Variants in BICD1 observed in about 807,000 individuals in gnomAD.
BICD1 encodes BICD cargo adaptor 1.
A neutral mutation model predicts 92.5 loss-of-function variants in BICD1; 35 were observed. That is an observed-to-expected ratio of 0.38 (90% CI 0.29 to 0.50). BICD1 has a LOEUF of 0.50. BICD1 is among the 20% of genes least tolerant of loss of function. The pLI is 0.93. For missense variants in BICD1, 950 were observed against 1,189.8 expected, an observed-to-expected ratio of 0.80 and a Z score of 2.97; for synonymous variants, 429 against 465.1, an observed-to-expected ratio of 0.92 and a Z score of 1.00.
chr12:32,214,963 T>C (rs1035944347), intron 1 of BICD1, among the ~76,000 whole-genome samples: 1 of 152,148 alleles, frequency 6.6e-6, no homozygotes, highest in Non-Finnish European at 1.5e-5. Context: ...TCGTGGTGGC[T>C]CATGCCTGTA....
chr12:32,322,889 T>C (rs1948693724), intron 4 of BICD1, among the ~76,000 whole-genome samples: 1 of 152,230 alleles, frequency 6.6e-6, no homozygotes, highest in African/African-American at 2.4e-5. Context: ...TCCAGAGGCC[T>C]TTCCTTTTGA....
At chr12:32,138,187 A>G (rs932254369) in intron 1 of BICD1, among the ~76,000 whole-genome samples, 2 of 152,246 alleles carry the variant, frequency 1.3e-5, no homozygotes, top group Non-Finnish European at 2.9e-5. Flanking sequence ...GCCAGATAGC[A>G]TATGCCTCAT....
intron 2 of BICD1, among the ~76,000 whole-genome samples, chr12:32,230,878 C>CATGTGAAATTATCATG (rs1945865135): frequency 6.6e-6 from 1 of 151,660 alleles, no homozygotes; most frequent in Admixed American, 6.6e-5. Flanking sequence ...GTGAAATTAT[C>CATGTGAAATTATCATG]ATGACTGCTG....
chr12:32,287,637 C>T (rs554185466), intron 2 of BICD1, among the ~76,000 whole-genome samples: 54 of 151,256 alleles, frequency 3.6e-4, no homozygotes, highest in African/African-American at 1.2e-3. Context: ...CCTGGGTTCA[C>T]GCCATTCTCC....
chr12:32,125,379 C>G (rs754260339), intron 1 of BICD1, among the ~76,000 whole-genome samples: 3 of 152,196 alleles, frequency 2.0e-5, no homozygotes, highest in Non-Finnish European at 4.4e-5. Context: ...CCTCTTTTCT[C>G]TCTGTTCCTG....
chr12:32,342,228 A>G (rs1592699417), intron 8 of BICD1, among the ~76,000 whole-genome samples: 1 of 142,482 alleles, frequency 7.0e-6, no homozygotes, highest in East Asian at 2.0e-4. Flanking sequence ...ATATATATAT[A>G]TATATGTATA....
Position 32,327,494 on chromosome 12 carries a change from C to T in BICD1, c.1039C>T (p.Leu347=), listed in dbSNP as rs747184772. The change falls in exon 5 of 10, where the codon CTA becomes TTA. Residue 347 remains leucine, a synonymous_variant. Coordinates refer to ENST00000652176, the MANE Select transcript of BICD1 (RefSeq NM_001714.4). ...EREKAILLAN[L]QESQTQLEHT... ...GGAAAAGGCCATTCTTTTGGCCAACCTACAGGAGTCACAGACACAGCTGGA... is the reference window on the plus strand; with the variant it reads ...GGAAAAGGCCATTCTTTTGGCCAACTTACAGGAGTCACAGACACAGCTGGA... 13 of 1,611,438 alleles carry T rather than the reference C, an allele frequency of 8.1e-6. No individual in the cohort carries two copies. Among genetic ancestry groups the T allele is most frequent in the South Asian group, 5.5e-5 (5 of 90,710 alleles).
chr12:32,117,409 A>G (rs1189781831), intron 1 of BICD1, among the ~76,000 whole-genome samples: 2 of 152,146 alleles, frequency 1.3e-5, no homozygotes, highest in African/African-American at 4.8e-5. Context: ...ATTTCACACT[A>G]TTTGATGACT....
At chr12:32,146,828 TCC>T (rs1565546417) in intron 1 of BICD1, among the ~76,000 whole-genome samples, 1 of 79,354 alleles carries the variant, frequency 1.3e-5, no homozygotes, top group African/African-American at 4.8e-5. Flanking sequence ...CCTCCCTCCC[TCC>T]CTCCCTTCCT....
chr12:32,246,304 C>A lies in BICD1; in HGVS notation c.426+29845C>A, dbSNP rs1592548396. Among the ~76,000 whole-genome samples, 6 of 105,066 alleles carry A rather than the reference C, an allele frequency of 5.7e-5. 1 individual carries two copies. In the South Asian group the frequency reaches 1.4e-3, roughly 25 times the overall value. The allele number at this position is 105,066 out of a possible 152,430, so 68.9% of individuals were successfully genotyped here. On this transcript the variant is annotated intron_variant, in intron 2 of 9. Transcript: ENST00000652176. ...CAGCCTGGGGAACATAGTGAGAACCCATCAGGAAAAAAAAAAAAAAAAAGG... is the reference window on the plus strand; with the variant it reads ...CAGCCTGGGGAACATAGTGAGAACCAATCAGGAAAAAAAAAAAAAAAAAGG...
intron 1 of BICD1, among the ~76,000 whole-genome samples, chr12:32,208,396 T>C (rs2121549770): frequency 6.6e-6 from 1 of 152,356 alleles, no homozygotes; most frequent in South Asian, 2.1e-4. Context: ...AAGCTATTAT[T>C]ATCCCCATTT....
chr12:32,231,916 C>G, intron 2 of BICD1, among the ~76,000 whole-genome samples: 1 of 151,756 alleles, frequency 6.6e-6, no homozygotes, highest in Non-Finnish European at 1.5e-5. Context: ...AGGACATGAA[C>G]TCATCATTTT....
chr12:32,197,909 TAA>T (rs5797463), intron 1 of BICD1, among the ~76,000 whole-genome samples: 50 of 149,508 alleles, frequency 3.3e-4, no homozygotes, highest in South Asian at 6.3e-4. Flanking sequence ...ATGCATATAG[TAA>T]AAAAAAAAAA....
intron 1 of BICD1, among the ~76,000 whole-genome samples, chr12:32,186,249 G>A (rs1038603337): frequency 6.6e-6 from 1 of 152,182 alleles, no homozygotes; most frequent in Admixed American, 6.5e-5. Context: ...ACATTCAATA[G>A]TGAGGTGGCC....
intron 1 of BICD1, among the ~76,000 whole-genome samples, chr12:32,194,339 A>G (rs1326528225): frequency 6.6e-6 from 1 of 152,186 alleles, no homozygotes; most frequent in African/African-American, 2.4e-5. Context: ...ATAGTACTAG[A>G]AGTCCTAGCT....
intron 4 of BICD1, 77 bp from the exon 5 acceptor site, chr12:32,327,384 T>C: frequency 6.7e-7 from 1 of 1,503,202 alleles, no homozygotes; most frequent in Non-Finnish European, 8.9e-7. Context: ...AGTGTATACA[T>C]GCCCGACTGT....
chr12:32,307,761 A>G (rs1381974960), intron 4 of BICD1, among the ~76,000 whole-genome samples: 2 of 152,252 alleles, frequency 1.3e-5, no homozygotes, highest in East Asian at 1.9e-4. Context: ...TTACACTAAT[A>G]TGACTAGATT....
chr12:32,290,135 A>C (rs1362588626), intron 2 of BICD1, among the ~76,000 whole-genome samples: 1 of 121,912 alleles, frequency 8.2e-6, no homozygotes, highest in Non-Finnish European at 1.8e-5. Context: ...ATTCTGAATA[A>C]CAAGGAGCTC....
At chr12:32,359,138 C>T (rs1471506363) in intron 8 of BICD1, among the ~76,000 whole-genome samples, 1 of 152,112 alleles carries the variant, frequency 6.6e-6, no homozygotes, top group Non-Finnish European at 1.5e-5. Flanking sequence ...CAATTTCCTA[C>T]TTAACAGCTT....
Sources: gnomAD v4.1 joint callset for allele counts (sites outside exome capture counted in the v4.1 genomes callset) on GRCh38, gnomAD v4.1.1 for gene constraint, MANE v1.5 for transcripts, NCBI Gene and HGNC (gene_info 2026-07-23, HGNC 2026-07-21) for gene names.